TCTN1: variants seen among roughly 807,000 people sequenced by gnomAD.
TCTN1 encodes tectonic family member 1.
TCTN1 carries 58 observed loss-of-function variants against 65.8 expected under a neutral mutation model. That is an observed-to-expected ratio of 0.88 (90% CI 0.71 to 1.10). The LOEUF is 1.10. Among genes scored for constraint, TCTN1 ranks in the 50% least tolerant of loss-of-function variants. The pLI, the probability that TCTN1 is intolerant of heterozygous loss-of-function variation, is 0.00. For missense variants in TCTN1, 645 were observed against 719.4 expected (o/e 0.90, Z 1.18); for synonymous variants, 273 against 289.1 (o/e 0.94, Z 0.57).
intron 3 of TCTN1, among the ~76,000 whole-genome samples, chr12:110,627,476 G>A (rs2135991352): frequency 6.6e-6 from 1 of 152,264 alleles, no homozygotes; most frequent in East Asian, 1.9e-4. Flanking sequence ...CAGGTAATAG[G>A]AAGTAACTTT....
intron 1 of TCTN1, among the ~76,000 whole-genome samples, chr12:110,617,385 G>A (rs545069543): frequency 2.0e-5 from 3 of 150,482 alleles, no homozygotes; most frequent in Non-Finnish European, 4.4e-5. Context: ...ATGCAGTGGC[G>A]CAGTCTCAGC....
chr12:110,617,490 A>C (rs1046447512), intron 1 of TCTN1, among the ~76,000 whole-genome samples: 4 of 151,358 alleles, frequency 2.6e-5, no homozygotes, highest in Admixed American at 2.6e-4. Context: ...TGCCTGGCTA[A>C]TTTTTTTGGT....
At chr12:110,634,578 C>A in intron 5 of TCTN1, 92 bp from the exon 6 acceptor site, 2 of 949,748 alleles carry the variant, frequency 2.1e-6, no homozygotes, top group Non-Finnish European at 3.2e-6. Flanking sequence ...TACAGTTTTA[C>A]CTAGATTAAA....
chr12:110,614,504 T>C, intron 1 of TCTN1, 102 bp downstream of exon 1: 1 of 1,539,194 alleles, frequency 6.5e-7, no homozygotes, highest in Non-Finnish European at 8.7e-7. Context: ...ATTGAGCACT[T>C]ACTGTGTGCA....
At chr12:110,647,576 C>T (rs1239365168) in intron 13 of TCTN1, 173 bp from the exon 14 acceptor site, 7 of 1,078,398 alleles carry the variant, frequency 6.5e-6, no homozygotes, top group South Asian at 4.2e-5. Flanking sequence ...GTTAATCAGA[C>T]ACCCTGGTAA....
chr12:110,641,878 CT>C (rs35777323), intron 10 of TCTN1: 1,376 of 449,976 alleles, frequency 3.1e-3, no homozygotes, highest in South Asian at 4.4e-3. Flanking sequence ...TTTTAATCTC[CT>C]TTTTTTTTTC....
At chr12:110,623,321 G>A (rs912357552) in intron 2 of TCTN1, among the ~76,000 whole-genome samples, 3 of 152,182 alleles carry the variant, frequency 2.0e-5, no homozygotes, top group Admixed American at 6.5e-5. Context: ...ACTTGGATTT[G>A]CTTCCCATTC....
chr12:110,637,211 G>A (rs2066632205), intron 7 of TCTN1, among the ~76,000 whole-genome samples: 2 of 152,200 alleles, frequency 1.3e-5, no homozygotes, highest in African/African-American at 2.4e-5. Context: ...GACTGACACC[G>A]TGGTCTCCCT....
chr12:110,631,174 C>T (rs1165680816), intron 4 of TCTN1, among the ~76,000 whole-genome samples: 2 of 151,912 alleles, frequency 1.3e-5, no homozygotes, highest in African/African-American at 4.8e-5. Flanking sequence ...CCATGTTGGC[C>T]AGGCTGGTCT....
At chr12:110,627,856 T>C in intron 3 of TCTN1, 1 of 612,488 alleles carries the variant, frequency 1.6e-6, no homozygotes, top group Non-Finnish European at 2.9e-6. Context: ...TTTATGCTTT[T>C]ATTTGTCAAA....
intron 10 of TCTN1, chr12:110,641,994 C>G: frequency 3.4e-6 from 2 of 590,042 alleles, no homozygotes; most frequent in Non-Finnish European, 6.0e-6. Context: ...AACAGACACT[C>G]CTAAACAGAT....
rs549780420 is a variant in TCTN1 at position 110,642,525 on chromosome 12, A to G, written c.1331+136A>G. The G allele has an allele frequency of 1.2e-5, 15 of 1,254,110 alleles. No individual in the cohort carries two copies. In the East Asian group the frequency reaches 3.6e-4, roughly 30 times the overall value. The allele number at this position is 1,254,110 out of a possible 1,614,324, so 77.7% of individuals were successfully genotyped here. ...AGCCACATATAGTATATCATCATGC[A>G]TGAATAGTAGCAAAACTGTTACAAT... On this transcript the variant is annotated intron_variant, in intron 11 of 14. Coordinates refer to ENST00000397659, the MANE Select transcript of TCTN1 (RefSeq NM_001082538.3).
At chr12:110,647,495 G>A in intron 13 of TCTN1, 159 bp downstream of exon 13, 2 of 1,069,996 alleles carry the variant, frequency 1.9e-6, no homozygotes, top group South Asian at 2.8e-5. Context: ...ACTGACGATG[G>A]TTCTACTTAC....
intron 2 of TCTN1, among the ~76,000 whole-genome samples, chr12:110,620,272 T>G (rs760268099): frequency 6.6e-6 from 1 of 151,940 alleles, no homozygotes; most frequent in South Asian, 2.1e-4. Flanking sequence ...GCCGGGCATG[T>G]TGGCGGGCAC....
intron 14 of TCTN1, 60 bp downstream of exon 14, chr12:110,647,953 G>A: frequency 6.2e-7 from 1 of 1,607,628 alleles, no homozygotes; most frequent in Non-Finnish European, 8.5e-7. Context: ...TGTGCACGTG[G>A]GGCTAGAAGT....
At chr12:110,626,630 C>T (rs903605552) in intron 3 of TCTN1, 138 bp downstream of exon 3, 10 of 808,476 alleles carry the variant, frequency 1.2e-5, no homozygotes, top group Admixed American at 5.3e-5. Flanking sequence ...CCCAGGCTGG[C>T]GTGCAGTGGC....
chr12:110,622,053 G>A (rs962959396), intron 2 of TCTN1, among the ~76,000 whole-genome samples: 1 of 151,814 alleles, frequency 6.6e-6, no homozygotes, highest in Non-Finnish European at 1.5e-5. Context: ...TGGGAGAATC[G>A]CTTGAACCTG....
chr12:110,646,197 A>T (rs1009549213), intron 12 of TCTN1: 4 of 152,208 alleles, frequency 2.6e-5, no homozygotes, highest in Admixed American at 2.6e-4. Context: ...AGAGGCAGGC[A>T]CGAGCACCTG....
intron 3 of TCTN1, chr12:110,627,702 C>G (rs2065949968): frequency 4.8e-6 from 2 of 419,774 alleles, no homozygotes; most frequent in Non-Finnish European, 4.2e-6. Context: ...GTTTCTATTT[C>G]CTTTTTTCTT....
Sources: allele counts gnomAD v4.1 joint callset (sites outside exome capture counted in the v4.1 genomes callset), GRCh38; gene constraint gnomAD v4.1.1; transcripts MANE v1.5; gene names NCBI Gene and HGNC (gene_info 2026-07-23, HGNC 2026-07-21).